ACP6: variants seen among roughly 807,000 people sequenced by gnomAD.
ACP6 encodes the protein lysophosphatidic acid phosphatase type 6.
Under a neutral mutation model 48.1 loss-of-function variants are expected in ACP6, and 48 were observed. The ratio of observed to expected loss-of-function variants is 1.00; its 90% CI spans 0.79 to 1.27. The LOEUF is 1.27. Among genes scored for constraint, ACP6 ranks in the 50% most tolerant of loss-of-function variants. The probability of loss-of-function intolerance (pLI) is 0.00; values close to 1 mark genes in which losing one functional copy is unlikely to be tolerated. For missense variants in ACP6, 485 were observed against 529.1 expected (o/e 0.92, Z 0.82); for synonymous variants, 172 against 204.2 (o/e 0.84, Z 1.34).
intron 4 of ACP6, among the ~76,000 whole-genome samples, chr1:147,656,671 A>C (rs1231983356): frequency 6.6e-6 from 1 of 152,174 alleles, no homozygotes; most frequent in East Asian, 1.9e-4. Flanking sequence ...TGGTTCTCTT[A>C]TCTGTAAAAG....
rs183611214 is a variant in ACP6 at position 147,652,814 on chromosome 1, A to G, written c.781-265T>C. Among the ~76,000 whole-genome samples the G allele has an allele frequency of 1.5e-4, 16 of 109,656 alleles. No homozygotes were observed. The South Asian group carries it at 6.0e-3, about 41-fold the overall frequency. The allele number at this position is 109,656 out of a possible 152,430, so 71.9% of individuals were successfully genotyped here. A position where few individuals can be genotyped will look rare whatever the true frequency, so the allele number is the denominator to read the frequency against. On this transcript the variant is annotated intron_variant, in intron 6 of 9. Coordinates refer to ENST00000583509, the MANE Select transcript of ACP6 (RefSeq NM_016361.5). Reference sequence around the variant, plus strand: ...TGACTCCCCATCCACTCAAAAATGAAAAGCATTTTTGTTGTTTTTTTGGTT... The same window carrying G: ...TGACTCCCCATCCACTCAAAAATGAGAAGCATTTTTGTTGTTTTTTTGGTT...
intron 5 of ACP6, among the ~76,000 whole-genome samples, chr1:147,636,055 T>C (rs1364773276): frequency 6.6e-6 from 1 of 151,800 alleles, no homozygotes; most frequent in African/African-American, 2.4e-5. Context: ...TCAAAAAAGG[T>C]GAGGAAACTA....
At position 147,645,498 on chromosome 1, in the gene ACP6, A is replaced by C. The variant is rs1313555045; in HGVS notation, c.*1925T>G. On this transcript the variant is annotated 3_prime_UTR_variant, in exon 10 of 10. Coordinates refer to ENST00000583509, the MANE Select transcript of ACP6 (RefSeq NM_016361.5). ...ACCCCAACACTTACGGATTAGAAAA[A>C]GGTAGATTCAGCAGGAACAAAGTCG... 1 of 152,268 alleles carries C rather than the reference A, an allele frequency of 6.6e-6. No individual in the cohort carries two copies. Among genetic ancestry groups the C allele is most frequent in the Non-Finnish European group, 1.5e-5 (1 of 68,070 alleles). 9.4% of individuals were successfully genotyped at this position (152,268 alleles called of 1,614,324 possible). A position where few individuals can be genotyped will look rare whatever the true frequency, so the allele number is the denominator to read the frequency against.
intron 5 of ACP6, 24 bp downstream of exon 5, chr1:147,655,137 G>T: frequency 2.5e-6 from 4 of 1,572,480 alleles, no homozygotes; most frequent in South Asian, 1.2e-5. Context: ...CCCAACTGGT[G>T]AGCAAGAACC....
intron 4 of ACP6, among the ~76,000 whole-genome samples, chr1:147,657,790 T>C (rs1274973398): frequency 6.6e-6 from 1 of 152,206 alleles, no homozygotes; most frequent in Non-Finnish European, 1.5e-5. Flanking sequence ...GAAGCCAATC[T>C]GGAGTCCCAA....
intron 5 of ACP6, among the ~76,000 whole-genome samples, chr1:147,633,791 C>G (rs1659230928): frequency 6.6e-6 from 1 of 152,076 alleles, no homozygotes; most frequent in African/African-American, 2.4e-5. Flanking sequence ...CAAAGTGATA[C>G]AAGAACCCAG....
downstream of ACP6, among the ~76,000 whole-genome samples, chr1:147,637,245 C>T (rs1357564137): frequency 2.6e-5 from 4 of 152,228 alleles, no homozygotes; most frequent in Non-Finnish European, 5.9e-5. Flanking sequence ...TAGGCAGGGA[C>T]TGGCCCGTGT....
At chr1:147,660,913 T>C (rs954160308) in intron 1 of ACP6, among the ~76,000 whole-genome samples, 5 of 152,184 alleles carry the variant, frequency 3.3e-5, no homozygotes, top group Non-Finnish European at 7.3e-5. Flanking sequence ...TATGTAAAGT[T>C]AACCTTTTAG....
intron 1 of ACP6, among the ~76,000 whole-genome samples, chr1:147,663,167 G>A (rs587681647): frequency 5.9e-5 from 9 of 152,284 alleles, no homozygotes; most frequent in Non-Finnish European, 8.8e-5. Context: ...ACTTTATTGC[G>A]ATATTTGCTT....
chr1:147,649,386 C>T (rs1196836384), intron 8 of ACP6, among the ~76,000 whole-genome samples: 4 of 152,018 alleles, frequency 2.6e-5, no homozygotes, highest in African/African-American at 4.8e-5. Flanking sequence ...ATTCCACAGC[C>T]GTAGTCCCAA....
Position 147,647,460 on chromosome 1 carries a change from G to A in ACP6, c.1250C>T (p.Ser417Phe), listed in dbSNP as rs371044318. Residue 417 changes from serine to phenylalanine, a missense_variant, in exon 10 of 10, where the codon TCT becomes TTT. By Grantham distance (155) the Ser-to-Phe change is radical. Coordinates refer to ENST00000583509, the MANE Select transcript of ACP6 (RefSeq NM_016361.5). ...LSPEKYHALC[S>F]QTQVMEVGNE... ...TCCAACTTCCATCACCTGAGTTTGA[G>A]AGCAGAGTGCGTGGTATTTTTCTGG... The A allele has an allele frequency of 6.8e-6, 11 of 1,614,062 alleles. No homozygotes were observed. The African/African-American group carries it at 1.2e-4, about 18-fold the overall frequency.
intron 1 of ACP6, among the ~76,000 whole-genome samples, chr1:147,667,647 G>T (rs1354951542): frequency 6.6e-6 from 1 of 152,098 alleles, no homozygotes; most frequent in Admixed American, 6.5e-5. Flanking sequence ...AAAAATTTTT[G>T]CCAGGCAGTC....
Position 147,670,148 on chromosome 1 carries a change from A to T in ACP6, c.-100T>A. 2.6e-6 allele frequency: 3 copies of T among 1,152,490 alleles called. No homozygotes were observed. The highest frequency in any genetic ancestry group is 1.6e-5 in the African/African-American group (1 of 64,310). The allele number at this position is 1,152,490 out of a possible 1,614,324, so 71.4% of individuals were successfully genotyped here. A position where few individuals can be genotyped will look rare whatever the true frequency, so the allele number is the denominator to read the frequency against. The stretch of plus-strand genomic sequence containing the variant: ...CAGCGGGCGCCCCCAAGTCCGCGGG[A>T]ACCTGCGGATGCGTACATCCAGCCC... On this transcript the variant is annotated 5_prime_UTR_variant, in exon 1 of 10. Coordinates refer to ENST00000583509, the MANE Select transcript of ACP6 (RefSeq NM_016361.5).
chr1:147,650,299 C>T lies in ACP6; in HGVS notation c.882-61G>A. On this transcript the variant is annotated intron_variant, in intron 7 of 9. Coordinates refer to ENST00000583509, the MANE Select transcript of ACP6 (RefSeq NM_016361.5). ...GCACTCAGCATTCAGGGGACACAGA[C>T]TGATTCTGCCCCCAGGACCTCATGA... 5.6e-6 allele frequency: 7 copies of T among 1,253,508 alleles called. No individual in the cohort carries two copies. In the South Asian group the frequency reaches 7.2e-5, roughly 13 times the overall value. The allele number at this position is 1,253,508 out of a possible 1,614,324, so 77.6% of individuals were successfully genotyped here.
At chr1:147,650,555 A>G in intron 7 of ACP6, 1 of 256,554 alleles carries the variant, frequency 3.9e-6, no homozygotes. Context: ...GGGGAATCAA[A>G]GAACAAAGCT....
Position 147,652,459 on chromosome 1 carries a change from T to G in ACP6, c.871A>C (p.Lys291Gln), listed in dbSNP as rs1553210713. Residue 291 changes from lysine (K) to glutamine (Q), a missense_variant, in exon 7 of 10, where the codon AAG (lysine) becomes CAG (glutamine). Lys to Gln is a moderately conservative substitution (Grantham distance 53). Coordinates refer to ENST00000583509, the MANE Select transcript of ACP6 (RefSeq NM_016361.5). ...GTGAGAGCCCCTCACCTGTCTTCCT[T>G]GGGCAGTATGTACAAGGATGTGTCC... Reference protein sequence around the residue: ...AVDTSLYILPKEDRESLQMAV... With the variant: ...AVDTSLYILPQEDRESLQMAV... The G allele has an allele frequency of 1.1e-5, 17 of 1,612,924 alleles. No homozygotes were observed. Among genetic ancestry groups the G allele is most frequent in the Non-Finnish European group, 1.4e-5 (17 of 1,179,604 alleles).
intron 4 of ACP6, 116 bp from the exon 5 acceptor site, chr1:147,655,364 A>G: frequency 1.3e-6 from 1 of 779,578 alleles, no homozygotes. Context: ...TGAGAGGCAG[A>G]TCATCAAGGT....
chr1:147,652,771 G>C (rs1660007862), intron 6 of ACP6: 3 of 693,836 alleles, frequency 4.3e-6, no homozygotes, highest in Non-Finnish European at 4.6e-6. Flanking sequence ...AAAAAGAAAG[G>C]GTTTCTTCCC....
At chr1:147,652,976 G>T (rs1158305870) in intron 6 of ACP6, among the ~76,000 whole-genome samples, 1 of 152,216 alleles carries the variant, frequency 6.6e-6, no homozygotes, top group Non-Finnish European at 1.5e-5. Context: ...ACAGGTGCCC[G>T]CCACCACGCC....
Sources: gnomAD v4.1 joint callset for allele counts (sites outside exome capture counted in the v4.1 genomes callset) on GRCh38, gnomAD v4.1.1 for gene constraint, MANE v1.5 for transcripts, NCBI Gene and HGNC (gene_info 2026-07-23, HGNC 2026-07-21) for gene names.